The following DPP10 variants were observed in gnomAD, a reference collection of about 807,000 sequenced individuals.
DPP10 encodes the protein dipeptidyl peptidase like 10.
A neutral mutation model predicts 120.9 loss-of-function variants in DPP10; 33 were observed. The observed-to-expected ratio is 0.27, with a 90% confidence interval of 0.21 to 0.37. The LOEUF (loss-of-function observed/expected upper bound fraction) is 0.37, where lower values mean the gene tolerates loss of function less well. Ranked by LOEUF, DPP10 falls within the 10% of genes least tolerant of loss-of-function variation. DPP10 has a pLI of 1.00. For missense variants in DPP10, 816 were observed against 942.8 expected (o/e 0.87, Z 1.76); for synonymous variants, 337 against 326.1 (o/e 1.03, Z -0.36).
chr2:114,661,519 C>T (rs1410002071), intron 1 of DPP10, among the ~76,000 whole-genome samples: 1 of 152,146 alleles, frequency 6.6e-6, no homozygotes, highest in African/African-American at 2.4e-5. Context: ...AAAAGGAAGG[C>T]CGTGTCCCTG....
chr2:115,303,815 A>G (rs2105991045), intron 1 of DPP10, among the ~76,000 whole-genome samples: 1 of 152,012 alleles, frequency 6.6e-6, no homozygotes, highest in East Asian at 1.9e-4. Flanking sequence ...TTAAATGGTA[A>G]ATGGTATTAT....
intron 5 of DPP10, among the ~76,000 whole-genome samples, chr2:115,634,423 G>T (rs1281893775): frequency 6.6e-6 from 1 of 152,096 alleles, no homozygotes; most frequent in African/African-American, 2.4e-5. Context: ...TGTTATTGTT[G>T]CTTTCTGTTT....
intron 1 of DPP10, among the ~76,000 whole-genome samples, chr2:114,944,668 C>T (rs1697215147): frequency 6.6e-6 from 1 of 152,172 alleles, no homozygotes; most frequent in South Asian, 2.1e-4. Context: ...GTAACAATGA[C>T]TATCACTGAA....
intron 1 of DPP10, among the ~76,000 whole-genome samples, chr2:115,194,268 G>A (rs2055092346): frequency 6.6e-6 from 1 of 151,826 alleles, no homozygotes; most frequent in Admixed American, 6.6e-5. Context: ...CTTGTTGCCC[G>A]AGCTAGAGTG....
intron 1 of DPP10, among the ~76,000 whole-genome samples, chr2:114,830,572 G>A (rs1008129684): frequency 6.6e-6 from 1 of 152,118 alleles, no homozygotes; most frequent in Admixed American, 6.5e-5. Context: ...GTTACACCCA[G>A]CACACATATT....
chr2:115,298,095 T>C (rs1223326265), intron 1 of DPP10, among the ~76,000 whole-genome samples: 1 of 152,130 alleles, frequency 6.6e-6, no homozygotes, highest in East Asian at 1.9e-4. Flanking sequence ...CTGAGCTTAG[T>C]GCTTCAGTCC....
Position 115,842,253 on chromosome 2 carries a change from T to C in DPP10, c.2299T>C (p.Tyr767His). The C allele has an allele frequency of 6.2e-7, 1 of 1,613,860 alleles. No homozygotes were observed. The highest frequency in any genetic ancestry group is 8.5e-7 in the Non-Finnish European group (1 of 1,179,802). Residue 767 changes from tyrosine (Y) to histidine (H), a missense_variant, in exon 26 of 26, where the codon TAT becomes CAT. Tyr to His is a moderately conservative substitution (Grantham distance 83, BLOSUM62 2). Around this residue, in one of 3 missense-constraint regions of DPP10, gnomAD observed 592 missense variants for 649.0 expected, o/e 0.91. Coordinates refer to ENST00000410059, the MANE Select transcript of DPP10 (RefSeq NM_020868.6). ...TCATAACGTATCTGAGAAGAGCAAG[T>C]ATCATCTCTACAGCACAATCCTCAA... ...EGHNVSEKSK[Y>H]HLYSTILKFF...
At chr2:114,982,254 A>T (rs536157804) in intron 1 of DPP10, among the ~76,000 whole-genome samples, 2 of 152,214 alleles carry the variant, frequency 1.3e-5, no homozygotes, top group Non-Finnish European at 2.9e-5. Flanking sequence ...TTCTTTAAGG[A>T]TTACTACAAA....
At chr2:115,151,672 A>T (rs1573798166) in intron 1 of DPP10, among the ~76,000 whole-genome samples, 1 of 149,816 alleles carries the variant, frequency 6.7e-6, no homozygotes. Context: ...TTCCCAAAGT[A>T]CTGGGATTAC....
In DPP10 at chr2:114,653,025, A is replaced by AGTGTGTGT. The variant is rs753807245; in HGVS notation, c.60+210188_60+210189insTGTGTGTG. Reference sequence around the variant, plus strand: ...GAGAGAGAGAAAGAGAGAGAGAGAGAGAGTGTGTGTGTGTGTGTGTGTGTG... The same window carrying AGTGTGTGT: ...GAGAGAGAGAAAGAGAGAGAGAGAGAGTGTGTGTGAGTGTGTGTGTGTGTGTGTGTGTG... On this transcript the variant is annotated intron_variant, in intron 1 of 25. Transcript: ENST00000410059. Among the ~76,000 whole-genome samples the AGTGTGTGT allele has an allele frequency of 8.3e-3, 981 of 118,800 alleles. 4 individuals are homozygous for AGTGTGTGT. Among genetic ancestry groups the AGTGTGTGT allele is most frequent in the East Asian group, 0.037 (156 of 4,202 alleles). The allele number at this position is 118,800 out of a possible 152,430, so 77.9% of individuals were successfully genotyped here. A position where few individuals can be genotyped will look rare whatever the true frequency, so the allele number is the denominator to read the frequency against.
rs1417940127 is a variant in DPP10 at position 114,492,327 on chromosome 2, C to T, written c.60+49489C>T. 3.9e-5 allele frequency among the ~76,000 whole-genome samples: 6 copies of T among 151,904 alleles called. No individual in the cohort carries two copies. In the East Asian group the frequency reaches 1.2e-3, roughly 29 times the overall value. ...AGACATTTCATGAGATGTTAAAAGC[C>T]CCTAGTGAAGACTGTTAAATGAGCC... On this transcript the variant is annotated intron_variant, in intron 1 of 25. Coordinates refer to ENST00000410059, the MANE Select transcript of DPP10 (RefSeq NM_020868.6).
At chr2:115,287,063 A>G (rs1020692251) in intron 1 of DPP10, among the ~76,000 whole-genome samples, 1 of 152,076 alleles carries the variant, frequency 6.6e-6, no homozygotes, top group African/African-American at 2.4e-5. Flanking sequence ...GGATTGCTTC[A>G]CTAGGGAAAG....
chr2:115,346,410 C>A (rs188538086), intron 3 of DPP10, among the ~76,000 whole-genome samples: 77 of 152,050 alleles, frequency 5.1e-4, no homozygotes, highest in Non-Finnish European at 1.0e-3. Flanking sequence ...CATTATTGGT[C>A]AAGGGGAAGG....
chr2:115,689,244 T>TG, intron 5 of DPP10, among the ~76,000 whole-genome samples: 1 of 152,160 alleles, frequency 6.6e-6, no homozygotes, highest in South Asian at 2.1e-4. Flanking sequence ...AGAATGTCCT[T>TG]GGGGGAAAAG....
chr2:115,731,189 C>T (rs2092900766), intron 8 of DPP10, among the ~76,000 whole-genome samples: 1 of 152,096 alleles, frequency 6.6e-6, no homozygotes, highest in South Asian at 2.1e-4. Flanking sequence ...GAAACCCCGT[C>T]TCTACTAAAA....
chr2:115,371,814 T>C lies in DPP10; in HGVS notation c.271+27902T>C, dbSNP rs576715166. On this transcript the variant is annotated intron_variant, in intron 3 of 25. Coordinates refer to ENST00000410059, the MANE Select transcript of DPP10 (RefSeq NM_020868.6). ...AGTTATAGGGAAACATATTTTGTTC[T>C]AATAAGAAAGAATATCTAAAAAAAC... Among the ~76,000 whole-genome samples the C allele has an allele frequency of 4.6e-5, 7 of 152,268 alleles. No homozygotes were observed. The South Asian group carries it at 6.2e-4, about 14-fold the overall frequency.
intron 1 of DPP10, among the ~76,000 whole-genome samples, chr2:115,257,145 C>T (rs767492530): frequency 9.9e-5 from 15 of 152,190 alleles, no homozygotes; most frequent in African/African-American, 2.9e-4. Context: ...AAGTTCTAAA[C>T]GTTTCCTTAT....
intron 2 of DPP10, among the ~76,000 whole-genome samples, chr2:115,327,817 A>T (rs2106145607): frequency 6.6e-6 from 1 of 152,164 alleles, no homozygotes; most frequent in African/African-American, 2.4e-5. Context: ...ACTACTTCTG[A>T]ACTGAAACTG....
At chr2:114,946,757 G>T (rs115580317) in intron 1 of DPP10, among the ~76,000 whole-genome samples, 10 of 151,046 alleles carry the variant, frequency 6.6e-5, no homozygotes, top group South Asian at 2.1e-4. Context: ...CTTATTTCTC[G>T]GAAGGTTCTT....
Sources: gnomAD v4.1 joint callset for allele counts (sites outside exome capture counted in the v4.1 genomes callset) on GRCh38, gnomAD v4.1.1 for gene constraint, gnomAD v4.1.1 regional missense constraint, MANE v1.5 for transcripts, NCBI Gene and HGNC (gene_info 2026-07-23, HGNC 2026-07-21) for gene names.